FSD1: variants seen among roughly 807,000 people sequenced by gnomAD.
The protein encoded by FSD1 is fibronectin type III and SPRY domain containing 1.
Under a neutral mutation model 58.2 loss-of-function variants are expected in FSD1, and 23 were observed. The observed-to-expected ratio is 0.40, with a 90% confidence interval of 0.28 to 0.56. The LOEUF (loss-of-function observed/expected upper bound fraction) is 0.56, where lower values mean the gene tolerates loss of function less well. FSD1 is among the 20% of genes least tolerant of loss of function. The pLI, the probability that FSD1 is intolerant of heterozygous loss-of-function variation, is 0.54. For synonymous variants in FSD1, 265 were observed against 263.4 expected, an observed-to-expected ratio of 1.01 and a Z score of -0.06; for missense variants, 563 against 670.8, an observed-to-expected ratio of 0.84 and a Z score of 1.78.
chr19:4,312,112 T>C, intron 7 of FSD1, 61 bp downstream of exon 7: 1 of 1,406,908 alleles, frequency 7.1e-7, no homozygotes, highest in Non-Finnish European at 9.7e-7. Context: ...CAGCCTCCCG[T>C]CTCGCCATCA....
intron 3 of FSD1, among the ~76,000 whole-genome samples, chr19:4,307,007 G>A (rs1971629917): frequency 6.6e-6 from 1 of 152,186 alleles, no homozygotes; most frequent in Non-Finnish European, 1.5e-5. Context: ...CCTGTCCCAG[G>A]GGGAATCTAG....
At chr19:4,308,521 CA>C (rs1971650542) in intron 4 of FSD1, among the ~76,000 whole-genome samples, 1 of 151,478 alleles carries the variant, frequency 6.6e-6, no homozygotes, top group African/African-American at 2.4e-5. Context: ...CCAGGAGTTT[CA>C]GACCAACATG....
chr19:4,310,039 C>T (rs1232865476), intron 4 of FSD1, among the ~76,000 whole-genome samples: 1 of 151,700 alleles, frequency 6.6e-6, no homozygotes, highest in Non-Finnish European at 1.5e-5. Flanking sequence ...ACCAGTGTGG[C>T]CAACATGGCA....
In FSD1 at chr19:4,323,038, G is replaced by T; in HGVS notation, c.1092G>T (p.Pro364=). ...GEHYWEVRYE[P]DSKAFGVGVA... is the part of the protein sequence containing the mutation. ...ATTACTGGGAGGTGCGCTACGAGCC[G>T]GACAGCAAGGCGTTCGGCGTGGGCG... Residue 364 remains proline (P), a synonymous_variant, in exon 11 of 13, where the codon CCG becomes CCT. Transcript: ENST00000221856. The surrounding 1 kb of genome is among the most constrained non-coding windows in gnomAD (Gnocchi z 7.7). The T allele has an allele frequency of 1.2e-6, 2 of 1,612,064 alleles. No homozygotes were observed. Among genetic ancestry groups the T allele is most frequent in the Non-Finnish European group, 1.7e-6 (2 of 1,179,518 alleles).
intron 10 of FSD1, among the ~76,000 whole-genome samples, chr19:4,321,399 TG>T (rs367714080): frequency 5.1e-5 from 6 of 117,280 alleles, no homozygotes; most frequent in Admixed American, 1.6e-4. Flanking sequence ...GAGGAGTATC[TG>T]GAGGGGAATA....
At chr19:4,307,396 G>A (rs1407803676) in intron 3 of FSD1, among the ~76,000 whole-genome samples, 1 of 151,686 alleles carries the variant, frequency 6.6e-6, no homozygotes, top group Non-Finnish European at 1.5e-5. Flanking sequence ...TTGAGATGGA[G>A]TCTCTCTCTG....
In FSD1 at chr19:4,323,510, C is replaced by G; in HGVS notation, c.1381-23C>G. 8.1e-7 allele frequency: 1 copy of G among 1,235,940 alleles called. No individual in the cohort carries two copies. The highest frequency in any genetic ancestry group is 1.2e-6 in the Non-Finnish European group (1 of 836,856). The allele number at this position is 1,235,940 out of a possible 1,614,324, so 76.6% of individuals were successfully genotyped here. A position where few individuals can be genotyped will look rare whatever the true frequency, so the allele number is the denominator to read the frequency against. On this transcript the variant is annotated intron_variant, in intron 12 of 12. Transcript: ENST00000221856. This position sits in a 1 kb window ranked among gnomAD's most constrained non-coding sequence, Gnocchi z 7.7. ...CTGGGGTTTGAAGCTGAGCCCCTCC[C>G]CCCTCCCCCCGCTGTCCCTCAGGTA... is the stretch of plus-strand genomic sequence containing the variant.
intron 9 of FSD1, 57 bp from the exon 10 acceptor site, chr19:4,318,815 G>A (rs1365252786): frequency 1.4e-6 from 2 of 1,388,236 alleles, no homozygotes; most frequent in Non-Finnish European, 2.0e-6. Flanking sequence ...CCTTACCGTG[G>A]GAGAGAGAAG....
intron 6 of FSD1, chr19:4,310,990 G>C (rs745320922): frequency 1.8e-4 from 30 of 171,374 alleles, no homozygotes; most frequent in Non-Finnish European, 2.0e-4. Flanking sequence ...ACGTCCTGTG[G>C]GGGTGGGGTA....
chr19:4,322,473 A>G (rs1971706557), intron 10 of FSD1, among the ~76,000 whole-genome samples: 1 of 149,956 alleles, frequency 6.7e-6, no homozygotes, highest in Non-Finnish European at 1.5e-5. Flanking sequence ...TCTGGAGGGA[A>G]TAGCAGGAAC....
intron 6 of FSD1, chr19:4,311,162 A>G (rs1161439338): frequency 6.4e-6 from 1 of 155,432 alleles, no homozygotes; most frequent in Admixed American, 6.2e-5. Flanking sequence ...AGCCACGAGA[A>G]GGGCCTGCCC....
chr19:4,321,067 GGA>G (rs1250027453), intron 10 of FSD1, among the ~76,000 whole-genome samples: 2 of 149,466 alleles, frequency 1.3e-5, no homozygotes, highest in Non-Finnish European at 3.0e-5. Context: ...GGGAGTATCT[GGA>G]GGGAAATAGC....
At chr19:4,312,528 G>A (rs1427556515) in intron 7 of FSD1, among the ~76,000 whole-genome samples, 1 of 151,244 alleles carries the variant, frequency 6.6e-6, no homozygotes, top group Non-Finnish European at 1.5e-5. Context: ...TATAGGCCGG[G>A]CGCGGTAGCT....
At chr19:4,316,170 C>T (rs1971753268) in intron 7 of FSD1, among the ~76,000 whole-genome samples, 2 of 152,062 alleles carry the variant, frequency 1.3e-5, no homozygotes, top group South Asian at 4.1e-4. Flanking sequence ...ACATGCTCCT[C>T]CTCCCTCAGC....
At chr19:4,310,225 A>T in intron 4 of FSD1, 48 bp from the exon 5 acceptor site, 2 of 1,612,118 alleles carry the variant, frequency 1.2e-6, no homozygotes, top group Non-Finnish European at 1.7e-6. Context: ...ACTCCGTCTC[A>T]AAAACAAAAA....
intron 7 of FSD1, among the ~76,000 whole-genome samples, chr19:4,312,619 C>T (rs887529407): frequency 7.9e-5 from 12 of 151,744 alleles, no homozygotes; most frequent in South Asian, 6.3e-4. Context: ...CTGGCTAACA[C>T]GGTGAAATAC....
intron 9 of FSD1, 78 bp downstream of exon 9, chr19:4,318,583 A>G: frequency 7.4e-7 from 1 of 1,352,976 alleles, no homozygotes; most frequent in Non-Finnish European, 1.0e-6. Context: ...CAGTGTGGTC[A>G]GAGTTGGGGT....
At chr19:4,310,452 C>A in intron 5 of FSD1, 23 bp from the exon 6 acceptor site, 2 of 1,607,128 alleles carry the variant, frequency 1.2e-6, no homozygotes, top group Non-Finnish European at 1.7e-6. Flanking sequence ...CCCCACGCAA[C>A]GCCTGCCACC....
intron 7 of FSD1, among the ~76,000 whole-genome samples, chr19:4,314,504 T>TTTC (rs142639231): frequency 6.7e-6 from 1 of 148,536 alleles, no homozygotes; most frequent in Non-Finnish European, 1.5e-5. Flanking sequence ...TTTTTTTTTT[T>TTTC]GAGATGGAGT....
Sources: gnomAD v4.1 joint callset for allele counts (sites outside exome capture counted in the v4.1 genomes callset) on GRCh38, gnomAD v4.1.1 for gene constraint, Gnocchi (gnomAD v3.1) non-coding constraint, MANE v1.5 for transcripts, NCBI Gene and HGNC (gene_info 2026-07-23, HGNC 2026-07-21) for gene names.